SLCO4A1: variants seen among roughly 807,000 people sequenced by gnomAD.
SLCO4A1 encodes solute carrier organic anion transporter family member 4A1.
In SLCO4A1, 51 loss-of-function variants were observed where a neutral mutation model predicts 64.6. The observed-to-expected ratio is 0.79, with a 90% CI of 0.63 to 1.00. The LOEUF (loss-of-function observed/expected upper bound fraction) is 1.00, where lower values mean the gene tolerates loss of function less well. Ranked by LOEUF, SLCO4A1 falls within the 50% of genes least tolerant of loss-of-function variation. The pLI is 0.00. For synonymous variants in SLCO4A1, 471 were observed against 444.9 expected (o/e 1.06, Z -0.74); for missense variants, 919 against 980.5 (o/e 0.94, Z 0.84).
downstream of SLCO4A1, chr20:62,672,306 G>A (rs529779648): frequency 4.3e-4 from 467 of 1,078,450 alleles, 7 homozygotes; most frequent in South Asian, 9.7e-3. Context: ...TCCCCGTACC[G>A]CGTGCTTTAT....
downstream of SLCO4A1, among the ~76,000 whole-genome samples, chr20:62,686,055 A>T (rs1277583036): frequency 6.6e-6 from 1 of 151,890 alleles, no homozygotes; most frequent in Non-Finnish European, 1.5e-5. Flanking sequence ...GGGCTTCTGG[A>T]CTCCGAGAGC....
At position 62,661,488 on chromosome 20, in the gene SLCO4A1, A is replaced by G. The variant is rs1158957248; in HGVS notation, c.1121+313A>G. 1.3e-5 allele frequency among the ~76,000 whole-genome samples: 2 copies of G among 152,064 alleles called. No homozygotes were observed. Among genetic ancestry groups the G allele is most frequent in the African/African-American group, 2.4e-5 (1 of 41,404 alleles). On this transcript the variant is annotated intron_variant, in intron 5 of 11. Transcript: ENST00000217159. The surrounding 1 kb of genome is among the most constrained non-coding windows in gnomAD (Gnocchi z 5.2). ...GGGCTGCGCCTGGCTCCCAGTGGCC[A>G]CGGAGCAAATCCCTTCCACACCAGC...
intron 4 of SLCO4A1, 97 bp downstream of exon 4, chr20:62,660,630 G>A (rs150406051): frequency 1.6e-5 from 22 of 1,404,692 alleles, no homozygotes; most frequent in Non-Finnish European, 2.0e-5. Context: ...CTTTTTCCCC[G>A]CCATGATCAA....
chr20:62,660,373 G>A, intron 3 of SLCO4A1, 39 bp from the exon 4 acceptor site: 1 of 1,591,548 alleles, frequency 6.3e-7, no homozygotes. Context: ...GGCACAGGTG[G>A]GCTGCACGCT....
At chr20:62,689,625 C>T (rs1402204207), downstream of SLCO4A1, among the ~76,000 whole-genome samples, 1 of 152,204 alleles carries the variant, frequency 6.6e-6, no homozygotes, top group Non-Finnish European at 1.5e-5. Flanking sequence ...TGTCTCCACC[C>T]CGCATTGAGC....
intron 1 of SLCO4A1, among the ~76,000 whole-genome samples, chr20:62,655,039 T>C (rs1983387655): frequency 6.6e-6 from 1 of 152,232 alleles, no homozygotes; most frequent in Non-Finnish European, 1.5e-5. Flanking sequence ...TTAACCTTAG[T>C]CACCTCTTTA....
At chr20:62,643,999 C>T (rs1980868006) in intron 1 of SLCO4A1, among the ~76,000 whole-genome samples, 1 of 152,206 alleles carries the variant, frequency 6.6e-6, no homozygotes, top group South Asian at 2.1e-4. Flanking sequence ...TTGTCTGATC[C>T]AGGCTTGGGC....
chr20:62,647,555 A>G (rs763103474), intron 1 of SLCO4A1, among the ~76,000 whole-genome samples: 4 of 152,234 alleles, frequency 2.6e-5, no homozygotes. Flanking sequence ...CCCTGGGGAC[A>G]TTTGCTGGGC....
chr20:62,677,573 G>A lies in SLCO4A1; in HGVS notation n.212-7868G>A, dbSNP rs924047771. On this transcript the variant is annotated intron_variant and non_coding_transcript_variant, in intron 2 of 2. Coordinates refer to the SLCO4A1 transcript ENST00000466818. ...TACACTCCAACCCCACTGAGCAGAGGATGGCAGGAGGCAGGAAGGGGGCGT... is the reference window on the plus strand; with the variant it reads ...TACACTCCAACCCCACTGAGCAGAGAATGGCAGGAGGCAGGAAGGGGGCGT... 9.5e-4 allele frequency among the ~76,000 whole-genome samples: 144 copies of A among 152,172 alleles called. 11 individuals are homozygous for A. The highest frequency in any genetic ancestry group is 4.1e-4 in the South Asian group (2 of 4,822).
chr20:62,678,766 G>A lies in SLCO4A1; in HGVS notation n.212-6675G>A, dbSNP rs146137268. Reference sequence around the variant, plus strand: ...GGCACTGTTAATATGCAACAGGGACGAACCTGGGAGGCACCACGCTGAGCA... The same window carrying A: ...GGCACTGTTAATATGCAACAGGGACAAACCTGGGAGGCACCACGCTGAGCA... On this transcript the variant is annotated intron_variant and non_coding_transcript_variant, in intron 2 of 2. Transcript: ENST00000466818. Among the ~76,000 whole-genome samples the A allele has an allele frequency of 4.9e-3, 752 of 152,252 alleles. 3 individuals are homozygous for A. The highest frequency in any genetic ancestry group is 0.01 in the South Asian group (49 of 4,824).
In SLCO4A1 at chr20:62,685,332, C is replaced by T. The variant is rs1050913828; in HGVS notation, n.212-109C>T. 4 of 447,322 alleles carry T rather than the reference C, an allele frequency of 8.9e-6. No homozygotes were observed. Among genetic ancestry groups the T allele is most frequent in the African/African-American group, 2.1e-5 (1 of 46,862 alleles). 27.7% of individuals were successfully genotyped at this position (447,322 alleles called of 1,614,324 possible). ...CCCCCCGACACCTTCCCCAGCTGGTCGGTGCCCAAGGGTGGGTTCGTGGGG... is the reference window on the plus strand; with the variant it reads ...CCCCCCGACACCTTCCCCAGCTGGTTGGTGCCCAAGGGTGGGTTCGTGGGG... On this transcript the variant is annotated intron_variant and non_coding_transcript_variant, in intron 2 of 2. Coordinates refer to the SLCO4A1 transcript ENST00000466818. This position sits in a 1 kb window ranked among gnomAD's most constrained non-coding sequence, Gnocchi z 4.6.
chr20:62,683,916 C>T (rs574742598), intron 2 of SLCO4A1, among the ~76,000 whole-genome samples: 138 of 128,142 alleles, frequency 1.1e-3, no homozygotes, highest in African/African-American at 3.0e-3. Context: ...GCTCACGCAA[C>T]GATCTCACGT....
chr20:62,660,406 C>G lies in SLCO4A1; in HGVS notation c.888-6C>G. The G allele has an allele frequency of 2.6e-6, 4 of 1,560,532 alleles. No individual in the cohort carries two copies. The highest frequency in any genetic ancestry group is 2.6e-6 in the Non-Finnish European group (3 of 1,162,454). On this transcript the variant is annotated splice_region_variant and splice_polypyrimidine_tract_variant and intron_variant, in intron 3 of 11. Transcript: ENST00000217159. The stretch of plus-strand genomic sequence containing the variant: ...GCTGACCCAGGTGCCACTGCCTCTT[C>G]CACAGGACGGAGCTGACCACCGAGA...
In SLCO4A1 at chr20:62,668,344, T is replaced by G. The variant is rs572374026; in HGVS notation, c.1812-133T>G. The G allele has an allele frequency of 5.8e-5, 73 of 1,258,446 alleles. No homozygotes were observed. In the African/African-American group the frequency reaches 9.7e-4, roughly 17 times the overall value. The allele number at this position is 1,258,446 out of a possible 1,614,324, so 78.0% of individuals were successfully genotyped here. Reference sequence around the variant, plus strand: ...GAGAGACCTCACTGTCTCTGATCTCTGACGAGGGGCTTCCCACTTGGGGGG... The same window carrying G: ...GAGAGACCTCACTGTCTCTGATCTCGGACGAGGGGCTTCCCACTTGGGGGG... On this transcript the variant is annotated intron_variant, in intron 9 of 11. Transcript: ENST00000217159.
intron 1 of SLCO4A1, among the ~76,000 whole-genome samples, chr20:62,651,112 C>G (rs1982409880): frequency 6.6e-6 from 1 of 152,228 alleles, no homozygotes; most frequent in South Asian, 2.1e-4. Flanking sequence ...ACCCATCTGT[C>G]CCCTGGATGG....
At position 62,685,581 on chromosome 20, in the gene SLCO4A1, AG is replaced by A; in HGVS notation, n.353del. 1 of 376,712 alleles carries A rather than the reference AG, an allele frequency of 2.7e-6. No homozygotes were observed. Among genetic ancestry groups the A allele is most frequent in the African/African-American group, 2.2e-5 (1 of 45,710 alleles). The allele number at this position is 376,712 out of a possible 1,614,324, so 23.3% of individuals were successfully genotyped here. A position where few individuals can be genotyped will look rare whatever the true frequency, so the allele number is the denominator to read the frequency against. ...ACGTCTTCCAGAGCAGGCTTTCTCT[AG>A]AGGGTGGACTGCCTGTGTTCTCCTG... On this transcript the variant is annotated non_coding_transcript_exon_variant, in exon 3 of 3. Transcript: ENST00000466818. The surrounding 1 kb of genome is among the most constrained non-coding windows in gnomAD (Gnocchi z 4.6).
At chr20:62,668,582 G>T (rs1288441243) in intron 10 of SLCO4A1, 41 bp downstream of exon 10, 1 of 1,543,650 alleles carries the variant, frequency 6.5e-7, no homozygotes, top group South Asian at 1.1e-5. Flanking sequence ...GTTGCACAGT[G>T]TGCTCACTGC....
intron 1 of SLCO4A1, among the ~76,000 whole-genome samples, chr20:62,654,429 A>G (rs536061714): frequency 6.6e-6 from 1 of 152,318 alleles, no homozygotes; most frequent in African/African-American, 2.4e-5. Flanking sequence ...CCCAGTGAGC[A>G]GACTCTGTGA....
downstream of SLCO4A1, among the ~76,000 whole-genome samples, chr20:62,686,145 A>G (rs1054885117): frequency 2.0e-5 from 3 of 152,218 alleles, no homozygotes; most frequent in East Asian, 1.9e-4. Context: ...GCAGCCGCCC[A>G]TGGAGACGGC....
Sources: gnomAD v4.1 joint callset for allele counts (sites outside exome capture counted in the v4.1 genomes callset) on GRCh38, gnomAD v4.1.1 for gene constraint, Gnocchi (gnomAD v3.1) non-coding constraint, MANE v1.5 for transcripts, NCBI Gene and HGNC (gene_info 2026-07-23, HGNC 2026-07-21) for gene names.